The following HDAC9 variants were observed in gnomAD, a reference collection of about 807,000 sequenced individuals.
The protein encoded by HDAC9 is histone deacetylase 9, also known as MEF-2 interacting transcription repressor (MITR) protein.
HDAC9 carries 41 observed loss-of-function variants against 139.4 expected under a neutral mutation model. The ratio of observed to expected loss-of-function variants is 0.29; its 90% CI spans 0.23 to 0.38. The LOEUF (loss-of-function observed/expected upper bound fraction) is 0.38. Among genes scored for constraint, HDAC9 ranks in the 10% least tolerant of loss-of-function variants. The pLI is 1.00. For synonymous variants in HDAC9, 517 were observed against 476.2 expected (o/e 1.09, Z -1.12); for missense variants, 1,147 against 1,297.0 (o/e 0.88, Z 1.78).
intron 1 of HDAC9, among the ~76,000 whole-genome samples, chr7:18,409,553 T>G (rs1788349216): frequency 6.6e-6 from 1 of 152,204 alleles, no homozygotes; most frequent in Non-Finnish European, 1.5e-5. Context: ...TGCCCTTGTC[T>G]CAGAAATTGC....
intron 1 of HDAC9, among the ~76,000 whole-genome samples, chr7:18,390,714 G>A (rs150106970): frequency 1.3e-5 from 2 of 152,268 alleles, no homozygotes; most frequent in East Asian, 3.9e-4. Context: ...TAGCTGCATG[G>A]CCAAGGAGAA....
chr7:18,290,166 G>A (rs186087210), upstream of HDAC9: 1 of 189,966 alleles, frequency 5.3e-6, no homozygotes, highest in African/African-American at 2.3e-5. Flanking sequence ...CTGTTGAATT[G>A]CTGGTTTCTG....
chr7:18,939,468 T>A (rs1781874544), intron 23 of HDAC9, among the ~76,000 whole-genome samples: 1 of 152,178 alleles, frequency 6.6e-6, no homozygotes, highest in Admixed American at 6.5e-5. Flanking sequence ...AATGAAAATA[T>A]AATACATAAA....
At chr7:18,495,708 T>C, upstream of HDAC9, 1 of 985,098 alleles carries the variant, frequency 1.0e-6, no homozygotes, top group Non-Finnish European at 1.2e-6. Context: ...GGATTATCAC[T>C]CGCTTTAGCC....
At chr7:18,117,890 T>C (rs568447531) in intron 1 of HDAC9, among the ~76,000 whole-genome samples, 1 of 152,296 alleles carries the variant, frequency 6.6e-6, no homozygotes, top group East Asian at 1.9e-4. Flanking sequence ...GCAGTGGTAG[T>C]GCTCCCTGGA....
chr7:18,742,713 C>T (rs1232221829), intron 13 of HDAC9, among the ~76,000 whole-genome samples: 1 of 151,794 alleles, frequency 6.6e-6, no homozygotes, highest in Non-Finnish European at 1.5e-5. Flanking sequence ...TAGTCCTTTC[C>T]TTTATATTCT....
chr7:18,831,279 T>C (rs569590959), intron 19 of HDAC9, among the ~76,000 whole-genome samples: 1 of 152,358 alleles, frequency 6.6e-6, no homozygotes, highest in East Asian at 1.9e-4. Context: ...TACAAGAGAC[T>C]TGAAAGCTAA....
intron 14 of HDAC9, among the ~76,000 whole-genome samples, chr7:18,752,277 A>G (rs919039858): frequency 1.3e-5 from 2 of 152,088 alleles, no homozygotes; most frequent in Non-Finnish European, 2.9e-5. Flanking sequence ...AAGCGCAAGA[A>G]GGGTCCTACC....
intron 2 of HDAC9, among the ~76,000 whole-genome samples, chr7:18,179,983 T>G (rs1239768145): frequency 6.6e-6 from 1 of 152,170 alleles, no homozygotes; most frequent in African/African-American, 2.4e-5. Flanking sequence ...TCCACACTGA[T>G]GAGATTGAGG....
At chr7:18,649,738 T>C (rs887774834) in intron 11 of HDAC9, among the ~76,000 whole-genome samples, 5 of 151,242 alleles carry the variant, frequency 3.3e-5, no homozygotes, top group African/African-American at 1.2e-4. Context: ...GTTGCTGGAG[T>C]TTTTCTCTTC....
chr7:18,442,126 G>T (rs1791835848), intron 1 of HDAC9, among the ~76,000 whole-genome samples: 1 of 152,098 alleles, frequency 6.6e-6, no homozygotes, highest in South Asian at 2.1e-4. Flanking sequence ...AGTTTTCACA[G>T]ATTTTCAATT....
At chr7:18,652,371 T>C (rs951484412) in intron 11 of HDAC9, among the ~76,000 whole-genome samples, 9 of 152,096 alleles carry the variant, frequency 5.9e-5, no homozygotes, top group Non-Finnish European at 1.2e-4. Flanking sequence ...ATTTCAAGTT[T>C]AAATATTACC....
intron 1 of HDAC9, among the ~76,000 whole-genome samples, chr7:18,384,496 T>C (rs1785732448): frequency 6.6e-6 from 1 of 152,224 alleles, no homozygotes. Flanking sequence ...AGGGAAACAT[T>C]GGAAACTAAT....
At chr7:18,141,849 T>C (rs1785919518) in intron 1 of HDAC9, among the ~76,000 whole-genome samples, 1 of 152,206 alleles carries the variant, frequency 6.6e-6, no homozygotes, top group Admixed American at 6.6e-5. Context: ...CAATAAATAA[T>C]GTCTTAGAGC....
chr7:18,294,176 T>A (rs1046396024), intron 1 of HDAC9, among the ~76,000 whole-genome samples: 5 of 152,128 alleles, frequency 3.3e-5, no homozygotes, highest in Non-Finnish European at 5.9e-5. Flanking sequence ...TAAGTGATGC[T>A]ATAGTTCACA....
chr7:18,326,625 A>G (rs1357715889), intron 1 of HDAC9, among the ~76,000 whole-genome samples: 2 of 152,042 alleles, frequency 1.3e-5, no homozygotes, highest in Admixed American at 1.3e-4. Context: ...TGCTCCATCT[A>G]TAACTGTGAT....
chr7:18,214,319 AG>A (rs2128170654), intron 2 of HDAC9, among the ~76,000 whole-genome samples: 1 of 152,174 alleles, frequency 6.6e-6, no homozygotes, highest in East Asian at 1.9e-4. Flanking sequence ...CCACCCATTA[AG>A]CTATGAAAAT....
intron 13 of HDAC9, among the ~76,000 whole-genome samples, chr7:18,747,932 A>G (rs1788123363): frequency 6.6e-6 from 1 of 152,234 alleles, no homozygotes; most frequent in East Asian, 1.9e-4. Flanking sequence ...CTTTTACAGC[A>G]TAAATTACTG....
At chr7:18,828,322 G>A (rs1261411562) in intron 17 of HDAC9, among the ~76,000 whole-genome samples, 2 of 152,230 alleles carry the variant, frequency 1.3e-5, no homozygotes, top group African/African-American at 4.8e-5. Context: ...TGTGAACCAT[G>A]TGATAAATGA....
Sources: gnomAD v4.1 joint callset for allele counts (sites outside exome capture counted in the v4.1 genomes callset) on GRCh38, gnomAD v4.1.1 for gene constraint, MANE v1.5 for transcripts, NCBI Gene and HGNC (gene_info 2026-07-23, HGNC 2026-07-21) for gene names.